AFG2B: variants seen among roughly 807,000 people sequenced by gnomAD.
AFG2B encodes the protein ATPase family gene 2 protein homolog B.
At chr15:45,416,616 C>G in the AFG2B span, among the ~76,000 whole-genome samples, 2 of 152,206 alleles carry the variant, frequency 1.3e-5, no homozygotes. Context: ...CCTTCTATAG[C>G]ATCTGACAGG....
the AFG2B span, chr15:45,402,881 T>G: frequency 6.3e-7 from 1 of 1,598,384 alleles, no homozygotes; most frequent in South Asian, 1.1e-5. Context: ...CACGTGGTGG[T>G]CGCTCCGCCA....
At chr15:45,402,413 T>C in the AFG2B span, 4 of 1,583,048 alleles carry the variant, frequency 2.5e-6, no homozygotes, top group East Asian at 9.4e-5. Flanking sequence ...TTCGTCTGCC[T>C]GGTTCATCTG....
the AFG2B span, chr15:45,414,713 T>C: frequency 6.2e-7 from 1 of 1,614,204 alleles, no homozygotes; most frequent in Non-Finnish European, 8.5e-7. Flanking sequence ...CACTGCTCTT[T>C]CGTTTCAGTG....
At chr15:45,414,996 T>A in the AFG2B span, among the ~76,000 whole-genome samples, 4 of 152,176 alleles carry the variant, frequency 2.6e-5, no homozygotes, top group Non-Finnish European at 4.4e-5. Context: ...TTGTCTTTTT[T>A]TCTGTTTTAA....
At chr15:45,403,481 A>C in the AFG2B span, 4 of 1,606,788 alleles carry the variant, frequency 2.5e-6, no homozygotes, top group African/African-American at 5.4e-5. Flanking sequence ...GACGCTCTAG[A>C]CCCAGCGCTG....
the AFG2B span, chr15:45,402,836 A>G: frequency 4.4e-6 from 7 of 1,598,240 alleles, no homozygotes; most frequent in Middle Eastern, 1.7e-4. Context: ...GAGGCGGCAC[A>G]GGAGCTGCTG....
At chr15:45,402,579 G>A in the AFG2B span, 1 of 1,572,904 alleles carries the variant, frequency 6.4e-7, no homozygotes. Context: ...TGAAGATCTC[G>A]CTACCCGACG....
At chr15:45,410,474 C>T in the AFG2B span, 1 of 1,612,862 alleles carries the variant, frequency 6.2e-7, no homozygotes, top group Non-Finnish European at 8.5e-7. Context: ...GGATATCAAG[C>T]CTGTTGACTG....
the AFG2B span, chr15:45,406,895 G>A: frequency 1.5e-6 from 1 of 657,016 alleles, no homozygotes; most frequent in Non-Finnish European, 2.4e-6. Context: ...CATCTTGTAG[G>A]TTTAGACCAA....
At chr15:45,410,363 T>A in the AFG2B span, 1 of 1,606,814 alleles carries the variant, frequency 6.2e-7, no homozygotes, top group Non-Finnish European at 8.5e-7. Context: ...TTTGGGTGTA[T>A]TTCTTCAGAA....
At chr15:45,420,090 A>G in the AFG2B span, among the ~76,000 whole-genome samples, 1 of 150,960 alleles carries the variant, frequency 6.6e-6, no homozygotes, top group Non-Finnish European at 1.5e-5. Context: ...TTTGAACTTT[A>G]TATGAATGGA....
the AFG2B span, chr15:45,403,542 C>T: frequency 6.3e-7 from 1 of 1,592,338 alleles, no homozygotes; most frequent in African/African-American, 1.4e-5. Flanking sequence ...GCGGGTTTGC[C>T]CACTGTCGGT....
the AFG2B span, among the ~76,000 whole-genome samples, chr15:45,419,308 G>A: frequency 6.6e-6 from 1 of 152,022 alleles, no homozygotes; most frequent in African/African-American, 2.4e-5. Flanking sequence ...TTAGTCAAAT[G>A]TGGTGTTAGT....
chr15:45,417,345 G>A, the AFG2B span: 1 of 1,614,090 alleles, frequency 6.2e-7, no homozygotes. Context: ...ATACTGCTTT[G>A]TTACGACCTG....
At chr15:45,406,549 T>C in the AFG2B span, among the ~76,000 whole-genome samples, 1 of 152,224 alleles carries the variant, frequency 6.6e-6, no homozygotes, top group Non-Finnish European at 1.5e-5. Context: ...CCTAACAATA[T>C]TTAAGATATT....
At chr15:45,403,536 G>A in the AFG2B span, 1 of 1,596,400 alleles carries the variant, frequency 6.3e-7, no homozygotes, top group African/African-American at 1.4e-5. Flanking sequence ...GGCTTGGCGG[G>A]TTTGCCCACT....
At chr15:45,406,630 G>A in the AFG2B span, among the ~76,000 whole-genome samples, 1 of 152,118 alleles carries the variant, frequency 6.6e-6, no homozygotes, top group Admixed American at 6.5e-5. Flanking sequence ...AAATAGTCCT[G>A]AATCCTTAAA....
the AFG2B span, chr15:45,407,032 C>T: frequency 5.4e-6 from 7 of 1,289,052 alleles, no homozygotes; most frequent in Admixed American, 1.6e-4. Context: ...TTTGAAGTTC[C>T]AGGTTTGACC....
chr15:45,403,516 G>A, the AFG2B span: 2 of 1,603,620 alleles, frequency 1.2e-6, no homozygotes, highest in Non-Finnish European at 1.7e-6. Context: ...ATTTGACCGA[G>A]AGGTGAATGG....
Sources: allele counts gnomAD v4.1 joint callset (sites outside exome capture counted in the v4.1 genomes callset), GRCh38; gene constraint gnomAD v4.1.1; transcripts MANE v1.5; gene names NCBI Gene and HGNC (gene_info 2026-07-23, HGNC 2026-07-21).